The following SEMA7A variants were observed in gnomAD, a reference collection of about 807,000 sequenced individuals.
SEMA7A encodes the protein semaphorin 7A (JohnMiltonHagen blood group).
Under a neutral mutation model 67.5 loss-of-function variants are expected in SEMA7A, and 21 were observed. That is an observed-to-expected ratio of 0.31 (90% CI 0.22 to 0.45). The LOEUF is 0.45. Ranked by LOEUF, SEMA7A falls within the 20% of genes least tolerant of loss-of-function variation. SEMA7A has a pLI of 1.00. For synonymous variants in SEMA7A, 364 were observed against 368.5 expected, an observed-to-expected ratio of 0.99 and a Z score of 0.14; for missense variants, 774 against 908.6, an observed-to-expected ratio of 0.85 and a Z score of 1.90.
chr15:74,424,521 T>C (rs941188660), intron 1 of SEMA7A, among the ~76,000 whole-genome samples: 2 of 152,110 alleles, frequency 1.3e-5, no homozygotes, highest in African/African-American at 4.8e-5. Flanking sequence ...GTATTGCCGT[T>C]TTACAAACAG....
At chr15:74,418,675 T>C (rs1398110117) in intron 2 of SEMA7A, 126 bp downstream of exon 2, 2 of 1,033,906 alleles carry the variant, frequency 1.9e-6, no homozygotes, top group Non-Finnish European at 2.8e-6. Context: ...GAGCCATTTA[T>C]AGGATACGGA....
chr15:74,426,525 G>T (rs1042858970), intron 1 of SEMA7A, among the ~76,000 whole-genome samples: 1 of 152,140 alleles, frequency 6.6e-6, no homozygotes, highest in Non-Finnish European at 1.5e-5. Flanking sequence ...TACAACAGTG[G>T]GGCAGGAATC....
chr15:74,421,760 G>A (rs143937740), intron 1 of SEMA7A, among the ~76,000 whole-genome samples: 1 of 152,218 alleles, frequency 6.6e-6, no homozygotes, highest in Non-Finnish European at 1.5e-5. Context: ...AGGAGCGGGG[G>A]CTGGGGGCTA....
chr15:74,417,267 A>G (rs1369646865), intron 6 of SEMA7A, 68 bp downstream of exon 6: 4 of 1,240,916 alleles, frequency 3.2e-6, no homozygotes, highest in Non-Finnish European at 4.7e-6. Flanking sequence ...AAACATCAGG[A>G]TCCCATCTGC....
chr15:74,411,074 C>G lies in SEMA7A; in HGVS notation c.1640-89G>C. On this transcript the variant is annotated intron_variant, in intron 13 of 13. Coordinates refer to ENST00000261918, the MANE Select transcript of SEMA7A (RefSeq NM_003612.5). The surrounding 1 kb of genome is among the most constrained non-coding windows in gnomAD (Gnocchi z 4.4). ...CTCCCCACGGACTGGGATCCCAGGA[C>G]AAGGCTTCTGAATGAACGTGGGGAA... is the stretch of plus-strand genomic sequence containing the variant. 1 of 1,522,250 alleles carries G rather than the reference C, an allele frequency of 6.6e-7. No homozygotes were observed. Among genetic ancestry groups the G allele is most frequent in the Non-Finnish European group, 8.8e-7 (1 of 1,137,060 alleles). The allele number at this position is 1,522,250 out of a possible 1,614,324, so 94.3% of individuals were successfully genotyped here. A position where few individuals can be genotyped will look rare whatever the true frequency, so the allele number is the denominator to read the frequency against.
intron 1 of SEMA7A, among the ~76,000 whole-genome samples, chr15:74,430,687 G>A (rs754765915): frequency 1.1e-4 from 17 of 152,312 alleles, no homozygotes; most frequent in East Asian, 1.9e-4. Context: ...CCTCTCCTCC[G>A]GGGAATTGCC....
rs1005879850 is a variant in SEMA7A at position 74,414,219 on chromosome 15, T to A, written c.1294+328A>T. Among the ~76,000 whole-genome samples the A allele has an allele frequency of 6.6e-6, 1 of 152,190 alleles. No homozygotes were observed. Among genetic ancestry groups the A allele is most frequent in the Non-Finnish European group, 1.5e-5 (1 of 68,026 alleles). On this transcript the variant is annotated intron_variant, in intron 10 of 13. Coordinates refer to ENST00000261918, the MANE Select transcript of SEMA7A (RefSeq NM_003612.5). The surrounding 1 kb of genome is among the most constrained non-coding windows in gnomAD (Gnocchi z 4.1). ...GTGGTTCAGGCCCCTCCTCCTCATT[T>A]GCCACGTCTCTTCCTACCATCTTCT...
chr15:74,419,321 A>G (rs567160549), intron 1 of SEMA7A, among the ~76,000 whole-genome samples: 149 of 152,282 alleles, frequency 9.8e-4, no homozygotes, highest in Admixed American at 1.4e-3. Flanking sequence ...CAGGAGGACC[A>G]GGGCTCCTTG....
In SEMA7A at chr15:74,411,954, G is replaced by A. The variant is rs1393998619; in HGVS notation, c.1353C>T (p.Phe451=). ...GGAAGGGCTGGATCTCCATGATGTT[G>A]AAGGCGAAGCTGTGCTCCTGCTCCC... ...EPGEQEHSFA[F]NIMEIQPFRR... is the part of the protein sequence containing the mutation. Residue 451 remains phenylalanine, a synonymous_variant, in exon 11 of 14, where the codon TTC becomes TTT. Coordinates refer to ENST00000261918, the MANE Select transcript of SEMA7A (RefSeq NM_003612.5). The surrounding 1 kb of genome is among the most constrained non-coding windows in gnomAD (Gnocchi z 4.4). The A allele has an allele frequency of 1.2e-6, 2 of 1,613,932 alleles. No homozygotes were observed. The highest frequency in any genetic ancestry group is 1.7e-6 in the Non-Finnish European group (2 of 1,180,052).
At chr15:74,412,497 A>C (rs2060910433) in intron 10 of SEMA7A, among the ~76,000 whole-genome samples, 1 of 152,214 alleles carries the variant, frequency 6.6e-6, no homozygotes, top group Non-Finnish European at 1.5e-5. Flanking sequence ...CCAACCACTC[A>C]GCTGCTTCTA....
chr15:74,417,822 A>T, intron 4 of SEMA7A, 55 bp downstream of exon 4: 1 of 1,580,344 alleles, frequency 6.3e-7, no homozygotes, highest in Admixed American at 1.7e-5. Context: ...TGAGGGGCAG[A>T]AGCCCACGCA....
At chr15:74,429,931 G>T (rs1271319550) in intron 1 of SEMA7A, among the ~76,000 whole-genome samples, 1 of 151,934 alleles carries the variant, frequency 6.6e-6, no homozygotes, top group Non-Finnish European at 1.5e-5. Flanking sequence ...CCCTCTTCCA[G>T]GAAGCCCTCC....
chr15:74,421,829 G>C (rs940526876), intron 1 of SEMA7A, among the ~76,000 whole-genome samples: 1 of 152,204 alleles, frequency 6.6e-6, no homozygotes, highest in African/African-American at 2.4e-5. Context: ...GCCAGGCCTC[G>C]AGTCTCTGCC....
chr15:74,431,087 C>G (rs2141293646), intron 1 of SEMA7A, among the ~76,000 whole-genome samples: 1 of 152,292 alleles, frequency 6.6e-6, no homozygotes, highest in Non-Finnish European at 1.5e-5. Context: ...CTTACAAACG[C>G]ATGCCAACCT....
In SEMA7A at chr15:74,417,459, G is replaced by A. The variant is rs1436487349; in HGVS notation, c.551-14C>T. The A allele has an allele frequency of 1.9e-6, 3 of 1,610,498 alleles. No homozygotes were observed. Among genetic ancestry groups the A allele is most frequent in the East Asian group, 4.5e-5 (2 of 44,874 alleles). On this transcript the variant is annotated splice_polypyrimidine_tract_variant and intron_variant, in intron 5 of 13. Coordinates refer to ENST00000261918, the MANE Select transcript of SEMA7A (RefSeq NM_003612.5). ...ACACCTCGTCCCCTGGGGTCAGTGGGAGGGAGAAATGAGTAAGGGCAGGCA... is the reference window on the plus strand; with the variant it reads ...ACACCTCGTCCCCTGGGGTCAGTGGAAGGGAGAAATGAGTAAGGGCAGGCA...
intron 1 of SEMA7A, among the ~76,000 whole-genome samples, chr15:74,421,570 A>G (rs1277267047): frequency 1.3e-5 from 2 of 152,118 alleles, no homozygotes; most frequent in East Asian, 3.9e-4. Flanking sequence ...GGTGATGCGT[A>G]TGGACTAGAG....
rs751344102 is a variant in SEMA7A at position 74,433,808 on chromosome 15, G to GAGC, written c.108_110dup (p.Leu37dup). The GAGC allele has an allele frequency of 4.2e-5, 59 of 1,402,442 alleles. No individual in the cohort carries two copies. The highest frequency in any genetic ancestry group is 2.4e-4 in the Middle Eastern group (1 of 4,162). 86.9% of individuals were successfully genotyped at this position (1,402,442 alleles called of 1,614,324 possible). On this transcript the variant is annotated inframe_insertion, in exon 1 of 14. Transcript: ENST00000261918. ...CCTGGGCGGAGGCGGCGGCCGCCCA[G>GAGC]AGCAGCAGCAGCAGCCGCAGCCGCA...
chr15:74,420,907 C>A (rs1320099553), intron 1 of SEMA7A, among the ~76,000 whole-genome samples: 1 of 152,202 alleles, frequency 6.6e-6, no homozygotes, highest in Non-Finnish European at 1.5e-5. Flanking sequence ...GATCCATAGT[C>A]CCTGGGAGTC....
intron 2 of SEMA7A, 77 bp from the exon 3 acceptor site, chr15:74,418,386 G>T: frequency 2.1e-6 from 3 of 1,423,502 alleles, no homozygotes; most frequent in South Asian, 1.2e-5. Context: ...ACAGCCTCAG[G>T]ATAAGCCCCA....
Sources: gnomAD v4.1 joint callset for allele counts (sites outside exome capture counted in the v4.1 genomes callset) on GRCh38, gnomAD v4.1.1 for gene constraint, Gnocchi (gnomAD v3.1) non-coding constraint, MANE v1.5 for transcripts, NCBI Gene and HGNC (gene_info 2026-07-23, HGNC 2026-07-21) for gene names.